Variants in DNAH6 observed in about 807,000 individuals in gnomAD.
DNAH6 encodes dynein axonemal heavy chain 6.
Under a neutral mutation model 491.4 loss-of-function variants are expected in DNAH6, and 340 were observed. The observed-to-expected ratio is 0.69, with a 90% CI of 0.63 to 0.76. The LOEUF is 0.76. Ranked by LOEUF, DNAH6 falls within the 30% of genes least tolerant of loss-of-function variation. The pLI is 0.00. For synonymous variants in DNAH6, 1,603 were observed against 1,686.1 expected (o/e 0.95, Z 1.21); for missense variants, 4,443 against 4,972.2 (o/e 0.89, Z 3.20).
At chr2:84,556,342 G>A (rs1261800384) in intron 10 of DNAH6, among the ~76,000 whole-genome samples, 3 of 149,462 alleles carry the variant, frequency 2.0e-5, no homozygotes, top group Non-Finnish European at 2.9e-5. Flanking sequence ...TTCATGAAGG[G>A]GCTGACTGCA....
intron 51 of DNAH6, 83 bp downstream of exon 51, chr2:84,704,385 T>C: frequency 2.0e-6 from 2 of 1,021,682 alleles, no homozygotes; most frequent in Non-Finnish European, 2.9e-6. Flanking sequence ...TATATATTCA[T>C]TCCCTTCTCC....
chr2:84,771,808 G>T (rs1675649724), intron 64 of DNAH6, among the ~76,000 whole-genome samples: 1 of 152,160 alleles, frequency 6.6e-6, no homozygotes, highest in South Asian at 2.1e-4. Flanking sequence ...TAGTAGAACT[G>T]CCCTACAAGA....
intron 37 of DNAH6, among the ~76,000 whole-genome samples, chr2:84,663,285 A>G (rs1461562771): frequency 6.6e-6 from 1 of 152,082 alleles, no homozygotes; most frequent in Non-Finnish European, 1.5e-5. Flanking sequence ...ATCAGTAATA[A>G]CAAACTCCTC....
rs199747922 is a variant in DNAH6, at chr2:84,791,217, A to AC, written c.11239+3915_11239+3916insC. Among the ~76,000 whole-genome samples the AC allele has an allele frequency of 7.0e-3, 1,065 of 151,946 alleles. 12 individuals carry two copies. The highest frequency in any genetic ancestry group is 0.024 in the African/African-American group (980 of 41,408). ...AAAAAAAAAGAAAAAAGAAAAAAAA[A>AC]ACACACACAAAAACAAAACTTGTAC... On this transcript the variant is annotated intron_variant, in intron 68 of 76. Coordinates refer to ENST00000389394, the MANE Select transcript of DNAH6 (RefSeq NM_001370.2).
intron 63 of DNAH6, among the ~76,000 whole-genome samples, chr2:84,755,861 TG>T (rs757426637): frequency 3.9e-5 from 6 of 152,122 alleles, no homozygotes; most frequent in South Asian, 2.1e-4. Flanking sequence ...AGGGACCCAG[TG>T]GGAGGTAATT....
chr2:84,743,869 A>T (rs1230736220), intron 62 of DNAH6, among the ~76,000 whole-genome samples: 1 of 152,212 alleles, frequency 6.6e-6, no homozygotes, highest in Non-Finnish European at 1.5e-5. Context: ...CTTCTAATGC[A>T]TATTTTATAC....
intron 64 of DNAH6, among the ~76,000 whole-genome samples, chr2:84,771,409 T>A (rs1675598134): frequency 6.6e-6 from 1 of 151,902 alleles, no homozygotes; most frequent in Non-Finnish European, 1.5e-5. Flanking sequence ...GAAAGAATAT[T>A]TGAAGAAATA....
At chr2:84,600,300 C>T (rs1685091046) in intron 18 of DNAH6, among the ~76,000 whole-genome samples, 1 of 152,196 alleles carries the variant, frequency 6.6e-6, no homozygotes, top group South Asian at 2.1e-4. Context: ...ATATACTCCA[C>T]ATTCCATTTC....
chr2:84,508,353 G>A, the DNAH6 span, among the ~76,000 whole-genome samples: 146,861 of 152,276 alleles, frequency 0.96, 70,865 homozygotes, highest in East Asian at 1. Context: ...GTTTATTTGC[G>A]TAGAGGTGTT....
intron 71 of DNAH6, among the ~76,000 whole-genome samples, chr2:84,808,065 G>GAAC (rs1679600550): frequency 6.6e-6 from 1 of 151,840 alleles, no homozygotes; most frequent in Non-Finnish European, 1.5e-5. Context: ...TACCCATGGG[G>GAAC]AACATGCTTT....
chr2:84,745,843 G>A (rs954165407), intron 63 of DNAH6, among the ~76,000 whole-genome samples: 2 of 152,088 alleles, frequency 1.3e-5, no homozygotes, highest in African/African-American at 4.8e-5. Context: ...CTTTAGAAGG[G>A]AAGTAATGGG....
chr2:84,569,168 A>G (rs1311004968), intron 11 of DNAH6, among the ~76,000 whole-genome samples: 2 of 152,232 alleles, frequency 1.3e-5, no homozygotes, highest in Non-Finnish European at 1.5e-5. Flanking sequence ...TCTATGGTAT[A>G]TCTACACAAA....
intron 68 of DNAH6, among the ~76,000 whole-genome samples, chr2:84,789,393 G>A (rs1192314): frequency 0.12 from 18,532 of 152,166 alleles, 1,151 homozygotes; most frequent in Non-Finnish European, 0.13. Flanking sequence ...AGGCAGACAA[G>A]AGCAAAGCTT....
chr2:84,808,265 T>C (rs933087849), intron 71 of DNAH6, 150 bp from the exon 72 acceptor site: 1 of 878,198 alleles, frequency 1.1e-6, no homozygotes, highest in Non-Finnish European at 1.7e-6. Context: ...TTCTAAATTA[T>C]AGAAACATCA....
At chr2:84,565,261 T>C (rs1340923503) in intron 11 of DNAH6, among the ~76,000 whole-genome samples, 1 of 152,030 alleles carries the variant, frequency 6.6e-6, no homozygotes, top group East Asian at 1.9e-4. Context: ...GGAATAGTTT[T>C]AGTAGAACTG....
the DNAH6 span, among the ~76,000 whole-genome samples, chr2:84,507,188 C>T: frequency 2.0e-5 from 3 of 152,114 alleles, no homozygotes; most frequent in Non-Finnish European, 4.4e-5. Context: ...TTGATTCTTC[C>T]TACCCATGAG....
At chr2:84,620,455 A>G (rs1687282454) in intron 24 of DNAH6, among the ~76,000 whole-genome samples, 1 of 152,196 alleles carries the variant, frequency 6.6e-6, no homozygotes, top group South Asian at 2.1e-4. Context: ...GCATACTGTG[A>G]GGAACCAAGT....
chr2:84,781,466 A>T, intron 64 of DNAH6, 27 bp from the exon 65 acceptor site: 1 of 1,525,232 alleles, frequency 6.6e-7, no homozygotes, highest in Non-Finnish European at 8.9e-7. Context: ...GCATAAGATG[A>T]TATTGTGTTC....
chr2:84,607,328 A>C (rs913740350), intron 21 of DNAH6, among the ~76,000 whole-genome samples: 7 of 152,232 alleles, frequency 4.6e-5, no homozygotes, highest in Non-Finnish European at 8.8e-5. Context: ...TACTTCAATG[A>C]TATTGTAGAT....
Sources: allele counts gnomAD v4.1 joint callset (sites outside exome capture counted in the v4.1 genomes callset), GRCh38; gene constraint gnomAD v4.1.1; transcripts MANE v1.5; gene names NCBI Gene and HGNC (gene_info 2026-07-23, HGNC 2026-07-21).